Variants in ITSN2 observed in about 807,000 individuals in gnomAD.
The protein encoded by ITSN2 is intersectin 2, also known as intersectin-2.
ITSN2 carries 156 observed loss-of-function variants against 243.7 expected under a neutral mutation model. That is an observed-to-expected ratio of 0.64 (90% CI 0.56 to 0.73). The LOEUF is 0.73. ITSN2 is among the 30% of genes least tolerant of loss of function. ITSN2 has a pLI of 0.00. For synonymous variants in ITSN2, 703 were observed against 699.9 expected, an observed-to-expected ratio of 1.00 and a Z score of -0.07; for missense variants, 1,801 against 1,996.1, an observed-to-expected ratio of 0.90 and a Z score of 1.86.
At position 24,225,273 on chromosome 2, in the gene ITSN2, C is replaced by G. The variant is rs1357866533; in HGVS notation, c.3578-4207G>C. ...CAACCAACAAGCACACTTCTCCAACCCTGCCCCCTCCTCAGCACCGCCTGC... is the reference window on the plus strand; with the variant it reads ...CAACCAACAAGCACACTTCTCCAACGCTGCCCCCTCCTCAGCACCGCCTGC... On this transcript the variant is annotated intron_variant, in intron 29 of 39. Transcript: ENST00000355123. The surrounding 1 kb of genome is among the most constrained non-coding windows in gnomAD (Gnocchi z 4.2). 6.6e-6 allele frequency among the ~76,000 whole-genome samples: 1 copy of G among 152,196 alleles called. No homozygotes were observed. Among genetic ancestry groups the G allele is most frequent in the Non-Finnish European group, 1.5e-5 (1 of 68,040 alleles).
intron 17 of ITSN2, among the ~76,000 whole-genome samples, chr2:24,284,196 G>T (rs1296758963): frequency 1.3e-5 from 2 of 152,170 alleles, no homozygotes; most frequent in Non-Finnish European, 2.9e-5. Flanking sequence ...ATGGCAAAGA[G>T]AAATATTTAT....
chr2:24,254,274 C>T, intron 24 of ITSN2, 93 bp downstream of exon 24: 1 of 835,472 alleles, frequency 1.2e-6, no homozygotes, highest in East Asian at 2.4e-5. Flanking sequence ...GGAGAATATG[C>T]AACTATGTGA....
At chr2:24,311,183 G>T (rs1683222329) in intron 5 of ITSN2, among the ~76,000 whole-genome samples, 1 of 152,104 alleles carries the variant, frequency 6.6e-6, no homozygotes. Context: ...TGCATTATTT[G>T]CAAGAAAGTG....
chr2:24,305,729 C>G (rs1244838455), intron 8 of ITSN2, among the ~76,000 whole-genome samples: 1 of 152,068 alleles, frequency 6.6e-6, no homozygotes, highest in Non-Finnish European at 1.5e-5. Context: ...TATAGAAAAC[C>G]TTGTCTTTAC....
At chr2:24,335,835 G>A (rs1404248417) in intron 1 of ITSN2, among the ~76,000 whole-genome samples, 3 of 150,460 alleles carry the variant, frequency 2.0e-5, no homozygotes, top group Admixed American at 6.6e-5. Context: ...ACGGGGTTTC[G>A]CCATGTTGGC....
intron 17 of ITSN2, among the ~76,000 whole-genome samples, chr2:24,281,507 G>T (rs1296317818): frequency 6.6e-6 from 1 of 152,138 alleles, no homozygotes; most frequent in Non-Finnish European, 1.5e-5. Flanking sequence ...CTTTGTGCAT[G>T]TCTATTAAAA....
intron 1 of ITSN2, among the ~76,000 whole-genome samples, chr2:24,337,134 A>T (rs1283433973): frequency 6.7e-6 from 1 of 149,152 alleles, no homozygotes; most frequent in Non-Finnish European, 1.5e-5. Context: ...TTTTATCGAG[A>T]GTGAGGAAGG....
intron 17 of ITSN2, among the ~76,000 whole-genome samples, chr2:24,279,493 A>G (rs1409031708): frequency 6.6e-6 from 1 of 152,200 alleles, no homozygotes; most frequent in Non-Finnish European, 1.5e-5. Context: ...TTCGTATATA[A>G]GAGTTTACAA....
Position 24,328,096 on chromosome 2 carries a change from C to A in ITSN2, c.-14G>T. 5 of 1,613,652 alleles carry A rather than the reference C, an allele frequency of 3.1e-6. No individual in the cohort carries two copies. Among genetic ancestry groups the A allele is most frequent in the Non-Finnish European group, 4.2e-6 (5 of 1,179,688 alleles). ...CTGAGCCATCATGGTCCTGAGTTTT[C>A]CTTGCTAGCTCTCAGCCATCTGCAA... On this transcript the variant is annotated 5_prime_UTR_variant, in exon 2 of 40. Coordinates refer to ENST00000355123, the MANE Select transcript of ITSN2 (RefSeq NM_006277.3).
At position 24,261,686 on chromosome 2, in the gene ITSN2, A is replaced by G. The variant is rs1289306855; in HGVS notation, c.2412T>C (p.Asn804=). The G allele has an allele frequency of 4.3e-6, 7 of 1,613,718 alleles. No homozygotes were observed. The highest frequency in any genetic ancestry group is 5.9e-6 in the Non-Finnish European group (7 of 1,179,780). The change falls in exon 21 of 40, where the codon AAT becomes AAC. Residue 804 remains asparagine (N), a synonymous_variant. Transcript: ENST00000355123. The part of the protein sequence containing the change: ...PGWLYGSFQG[N]FGWFPCNYVE... Reference sequence around the variant, plus strand: ...CATAATTGCATGGAAACCAGCCAAAATTTCCTTGAAAACTACCATAAAGCC... The same window carrying G: ...CATAATTGCATGGAAACCAGCCAAAGTTTCCTTGAAAACTACCATAAAGCC...
chr2:24,311,018 T>C (rs905123639), intron 5 of ITSN2, among the ~76,000 whole-genome samples: 1 of 151,936 alleles, frequency 6.6e-6, no homozygotes, highest in African/African-American at 2.4e-5. Context: ...TCAAATGAGG[T>C]TTTTGTGAAA....
chr2:24,265,010 C>T (rs1474548875), intron 20 of ITSN2, among the ~76,000 whole-genome samples: 3 of 151,982 alleles, frequency 2.0e-5, no homozygotes, highest in Middle Eastern at 3.4e-3. Context: ...GGGTTGATCT[C>T]GAACTCCTGG....
intron 9 of ITSN2, among the ~76,000 whole-genome samples, chr2:24,303,339 T>C (rs1202407624): frequency 6.6e-6 from 1 of 152,192 alleles, no homozygotes. Flanking sequence ...ATCTTGACCC[T>C]CTACAGGCCT....
Position 24,229,444 on chromosome 2 carries a change from C to T in ITSN2, c.3578-8378G>A, listed in dbSNP as rs187860682. ...TCTCTATTAAAAACGCAAAAATTAG[C>T]TGAGTGTGGTGACAGGCGCCTGTAA... On this transcript the variant is annotated intron_variant, in intron 29 of 39. Coordinates refer to ENST00000355123, the MANE Select transcript of ITSN2 (RefSeq NM_006277.3). Among the ~76,000 whole-genome samples the T allele has an allele frequency of 4.7e-3, 718 of 152,142 alleles. 3 individuals are homozygous for T. Among genetic ancestry groups the T allele is most frequent in the Non-Finnish European group, 7.7e-3 (521 of 67,998 alleles).
chr2:24,356,532 T>C (rs898133375), intron 1 of ITSN2, among the ~76,000 whole-genome samples: 2 of 149,236 alleles, frequency 1.3e-5, no homozygotes, highest in African/African-American at 4.9e-5. Context: ...AGGATATGAA[T>C]AGACACTTCT....
intron 11 of ITSN2, 84 bp from the exon 12 acceptor site, chr2:24,300,255 TG>T (rs1681552285): frequency 2.2e-6 from 3 of 1,345,090 alleles, no homozygotes; most frequent in Non-Finnish European, 3.1e-6. Flanking sequence ...TTATGCCTTG[TG>T]ATCATTTGAG....
intron 20 of ITSN2, among the ~76,000 whole-genome samples, chr2:24,268,174 T>C (rs974764402): frequency 6.6e-6 from 1 of 152,194 alleles, no homozygotes; most frequent in Admixed American, 6.6e-5. Flanking sequence ...ACATTTCAGC[T>C]TGTCATCGAA....
At position 24,209,944 on chromosome 2, in the gene ITSN2, T is replaced by G. The variant is rs371469396; in HGVS notation, c.4347A>C (p.Glu1449Asp). The stretch of plus-strand genomic sequence containing the variant: ...AGTCATTGAAGAGGAATCCGTGCAG[T>G]TCCTTGTTGCTCTTGGTCTTGTATA... ...GKLYKTKSNK[E>D]LHGFLFNDFL... The change falls in exon 35 of 40, where the codon GAA (glutamate) becomes GAC (aspartate). Residue 1449 changes from glutamate (E) to aspartate (D), a missense_variant. Coordinates refer to ENST00000355123, the MANE Select transcript of ITSN2 (RefSeq NM_006277.3). The G allele has an allele frequency of 1.9e-5, 30 of 1,614,080 alleles. No homozygotes were observed. The highest frequency in any genetic ancestry group is 2.7e-5 in the African/African-American group (2 of 74,946).
At chr2:24,290,340 G>A (rs1680085652) in intron 15 of ITSN2, among the ~76,000 whole-genome samples, 1 of 152,162 alleles carries the variant, frequency 6.6e-6, no homozygotes. Flanking sequence ...TTTCTGGCCA[G>A]AGTCTTGAAT....
Sources: allele counts gnomAD v4.1 joint callset (sites outside exome capture counted in the v4.1 genomes callset), GRCh38; gene constraint gnomAD v4.1.1; non-coding constraint Gnocchi (gnomAD v3.1); transcripts MANE v1.5; gene names NCBI Gene and HGNC (gene_info 2026-07-23, HGNC 2026-07-21).